The following SLC30A8 variants were observed in gnomAD, a reference collection of about 807,000 sequenced individuals.
SLC30A8 encodes solute carrier family 30 member 8.
Under a neutral mutation model 36.9 loss-of-function variants are expected in SLC30A8, and 27 were observed. The observed-to-expected ratio is 0.73, with a 90% CI of 0.54 to 1.01. SLC30A8 has a LOEUF of 1.01. Ranked by LOEUF, SLC30A8 falls within the 50% of genes least tolerant of loss-of-function variation. The pLI is 0.00. For missense variants in SLC30A8, 439 were observed against 452.0 expected, an observed-to-expected ratio of 0.97 and a Z score of 0.26; for synonymous variants, 164 against 172.4, an observed-to-expected ratio of 0.95 and a Z score of 0.38.
At chr8:117,097,260 A>ATGG (rs1291412566) in intron 2 of SLC30A8, among the ~76,000 whole-genome samples, 2 of 148,976 alleles carry the variant, frequency 1.3e-5, no homozygotes, top group African/African-American at 4.9e-5. Flanking sequence ...TTAGCCGGGC[A>ATGG]TGGTGGCAGG....
chr8:117,110,623 G>A (rs953895682), intron 2 of SLC30A8, among the ~76,000 whole-genome samples: 7 of 152,160 alleles, frequency 4.6e-5, no homozygotes, highest in African/African-American at 1.4e-4. Context: ...CTGAGCCCCA[G>A]ACTCTCTGAG....
intron 1 of SLC30A8, among the ~76,000 whole-genome samples, chr8:116,971,778 A>G (rs1814805014): frequency 6.6e-6 from 1 of 152,152 alleles, no homozygotes; most frequent in African/African-American, 2.4e-5. Flanking sequence ...GCAATTTCCT[A>G]AATAGCACTG....
At chr8:117,067,105 T>G (rs760340916) in intron 2 of SLC30A8, among the ~76,000 whole-genome samples, 1 of 152,090 alleles carries the variant, frequency 6.6e-6, no homozygotes, top group Non-Finnish European at 1.5e-5. Context: ...GAAAAACCCC[T>G]TATAAAACCA....
intron 2 of SLC30A8, among the ~76,000 whole-genome samples, chr8:117,077,605 A>T (rs1433008820): frequency 1.3e-5 from 2 of 152,168 alleles, no homozygotes; most frequent in Non-Finnish European, 2.9e-5. Flanking sequence ...TGAAACTGGG[A>T]TGTACCTTTT....
intron 2 of SLC30A8, among the ~76,000 whole-genome samples, chr8:117,124,989 G>A (rs1171443066): frequency 1.3e-5 from 2 of 151,750 alleles, no homozygotes; most frequent in Non-Finnish European, 2.9e-5. Flanking sequence ...TGAAATGAAG[G>A]AAAACATCAA....
chr8:117,032,911 A>G (rs1321560530), intron 1 of SLC30A8, among the ~76,000 whole-genome samples: 3 of 151,888 alleles, frequency 2.0e-5, no homozygotes, highest in African/African-American at 7.3e-5. Flanking sequence ...AAAAAGAAAA[A>G]AGACTTGTCA....
At chr8:117,132,000 A>G (rs1187788311), upstream of SLC30A8, among the ~76,000 whole-genome samples, 3 of 151,996 alleles carry the variant, frequency 2.0e-5, no homozygotes, top group Admixed American at 6.6e-5. Flanking sequence ...AAACCACTTC[A>G]CCACACTACC....
chr8:117,142,120 C>G (rs533171758), intron 1 of SLC30A8, among the ~76,000 whole-genome samples: 2 of 152,118 alleles, frequency 1.3e-5, no homozygotes, highest in Non-Finnish European at 2.9e-5. Flanking sequence ...AATTGGCATG[C>G]CCTTCTCCAG....
At chr8:117,126,861 G>A (rs1291389182) in intron 2 of SLC30A8, among the ~76,000 whole-genome samples, 1 of 152,016 alleles carries the variant, frequency 6.6e-6, no homozygotes, top group Non-Finnish European at 1.5e-5. Context: ...TCTAAGAGGG[G>A]CTGTCTGAGG....
chr8:116,999,823 T>G (rs1177691824), intron 1 of SLC30A8, among the ~76,000 whole-genome samples: 1 of 152,114 alleles, frequency 6.6e-6, no homozygotes, highest in East Asian at 1.9e-4. Context: ...GAAAAGAAAT[T>G]ATGAAACAAA....
intron 2 of SLC30A8, among the ~76,000 whole-genome samples, chr8:117,125,385 T>C (rs1820860543): frequency 6.6e-6 from 1 of 152,076 alleles, no homozygotes; most frequent in African/African-American, 2.4e-5. Context: ...TTTATGCCAC[T>C]AATTTCCATT....
chr8:116,964,751 A>T (rs962420094), intron 1 of SLC30A8, among the ~76,000 whole-genome samples: 2 of 152,210 alleles, frequency 1.3e-5, no homozygotes, highest in Admixed American at 1.3e-4. Flanking sequence ...GAGGTTACTC[A>T]TCATCTCTTA....
At chr8:117,106,686 G>A (rs770072073) in intron 2 of SLC30A8, among the ~76,000 whole-genome samples, 8 of 152,084 alleles carry the variant, frequency 5.3e-5, no homozygotes, top group Non-Finnish European at 8.8e-5. Flanking sequence ...CATCTAATTA[G>A]ACCATTTGAT....
chr8:117,162,208 C>A (rs1822827528), intron 5 of SLC30A8, among the ~76,000 whole-genome samples: 1 of 152,162 alleles, frequency 6.6e-6, no homozygotes. Flanking sequence ...ATTTTGATAT[C>A]TAGGTTTTAG....
At chr8:117,172,399 C>G in intron 7 of SLC30A8, 137 bp from the exon 8 acceptor site, 1 of 1,054,644 alleles carries the variant, frequency 9.5e-7, no homozygotes, top group Non-Finnish European at 1.4e-6. Context: ...ATTATCAGAG[C>G]AAACGTGGCT....
At chr8:117,163,651 A>G (rs1026730365) in intron 6 of SLC30A8, 121 bp downstream of exon 6, 20 of 727,946 alleles carry the variant, frequency 2.7e-5, no homozygotes, top group Non-Finnish European at 4.1e-5. Flanking sequence ...TTTAAAGTGA[A>G]AAGGAATTTT....
At chr8:116,962,182 A>C (rs1814447513) in intron 1 of SLC30A8, among the ~76,000 whole-genome samples, 7 of 151,968 alleles carry the variant, frequency 4.6e-5, no homozygotes, top group Admixed American at 4.6e-4. Context: ...AGATAAGTTA[A>C]CTCATTTTAT....
intron 2 of SLC30A8, among the ~76,000 whole-genome samples, chr8:117,125,768 T>C (rs16889435): frequency 0.056 from 8,551 of 152,038 alleles, 648 homozygotes; most frequent in African/African-American, 0.17. Context: ...AATAAATTGG[T>C]TCTCTCCATA....
At chr8:116,954,024 G>A (rs1382782879) in intron 1 of SLC30A8, among the ~76,000 whole-genome samples, 1 of 152,172 alleles carries the variant, frequency 6.6e-6, no homozygotes, top group East Asian at 1.9e-4. Context: ...GTAGGGTGGT[G>A]TTAGTGAGGA....
Sources: gnomAD v4.1 joint callset for allele counts (sites outside exome capture counted in the v4.1 genomes callset) on GRCh38, gnomAD v4.1.1 for gene constraint, MANE v1.5 for transcripts, NCBI Gene and HGNC (gene_info 2026-07-23, HGNC 2026-07-21) for gene names.